Variants in NTN1 observed in about 807,000 individuals in gnomAD.
NTN1 encodes netrin 1.
Under a neutral mutation model 54.2 loss-of-function variants are expected in NTN1, and 11 were observed. That is an observed-to-expected ratio of 0.20 (90% confidence interval 0.13 to 0.34). NTN1 has a LOEUF of 0.34. Ranked by LOEUF, NTN1 falls within the 10% of genes least tolerant of loss-of-function variation. The pLI is 1.00. For missense variants in NTN1, 740 were observed against 893.1 expected (o/e 0.83, Z 2.18); for synonymous variants, 371 against 382.0 (o/e 0.97, Z 0.33).
chr17:9,004,369 C>T, the NTN1 span, among the ~76,000 whole-genome samples: 145 of 152,380 alleles, frequency 9.5e-4, 1 homozygote, highest in South Asian at 0.028. Flanking sequence ...CCGTCGCCCT[C>T]GCGGCCTGGA....
intron 5 of NTN1, among the ~76,000 whole-genome samples, chr17:9,202,999 G>T (rs1169905126): frequency 6.6e-6 from 1 of 152,142 alleles, no homozygotes; most frequent in Non-Finnish European, 1.5e-5. Context: ...TCCGCTCACT[G>T]CAAGCTCCGC....
chr17:9,088,236 A>G (rs781183076), intron 2 of NTN1, among the ~76,000 whole-genome samples: 5 of 152,204 alleles, frequency 3.3e-5, no homozygotes, highest in Non-Finnish European at 5.9e-5. Context: ...GTGGGTGTCC[A>G]TCTGCAAGTT....
At chr17:9,199,888 G>T (rs576830440) in intron 5 of NTN1, among the ~76,000 whole-genome samples, 1 of 152,350 alleles carries the variant, frequency 6.6e-6, no homozygotes, top group African/African-American at 2.4e-5. Flanking sequence ...GGAAGTGGTG[G>T]TGAGCTTTGA....
At chr17:9,218,926 A>T (rs1176815567) in intron 5 of NTN1, among the ~76,000 whole-genome samples, 4 of 152,104 alleles carry the variant, frequency 2.6e-5, no homozygotes, top group Non-Finnish European at 5.9e-5. Context: ...AAAAAAAAAA[A>T]AAAAATTGCG....
In NTN1 at chr17:9,239,577, C is replaced by T; in HGVS notation, c.1487-63C>T. On this transcript the variant is annotated intron_variant, in intron 6 of 6. Coordinates refer to ENST00000173229, the MANE Select transcript of NTN1 (RefSeq NM_004822.3). This position sits in a 1 kb window ranked among gnomAD's most constrained non-coding sequence, Gnocchi z 5.2. ...GTCTCCTTTCCCTTCTCCCCAGGCT[C>T]AGGCAGGGCGGACCTAGCCACAGCA... 1.3e-6 allele frequency: 2 copies of T among 1,523,500 alleles called. No individual in the cohort carries two copies. The highest frequency in any genetic ancestry group is 1.7e-5 in the Admixed American group (1 of 57,962). 94.4% of individuals were successfully genotyped at this position (1,523,500 alleles called of 1,614,324 possible). A position where few individuals can be genotyped will look rare whatever the true frequency, so the allele number is the denominator to read the frequency against.
chr17:9,225,614 C>G (rs1905508876), intron 6 of NTN1, among the ~76,000 whole-genome samples: 1 of 152,180 alleles, frequency 6.6e-6, no homozygotes, highest in African/African-American at 2.4e-5. Context: ...GGGTGTCCCT[C>G]CCACACAGAC....
At chr17:9,178,266 A>G (rs997378127) in intron 3 of NTN1, among the ~76,000 whole-genome samples, 1 of 152,256 alleles carries the variant, frequency 6.6e-6, no homozygotes, top group African/African-American at 2.4e-5. Context: ...GAGCAGTTCC[A>G]TCAGCCTACA....
rs148796218 is a variant in NTN1, at chr17:9,230,540, C to T, written c.1487-9100C>T. ...GAGGTCGTGGAATGCGGGTGACCACCAGGTTGGCCAGGGAAGGCCAGTCGG... is the reference window on the plus strand; with the variant it reads ...GAGGTCGTGGAATGCGGGTGACCACTAGGTTGGCCAGGGAAGGCCAGTCGG... On this transcript the variant is annotated intron_variant, in intron 6 of 6. Coordinates refer to ENST00000173229, the MANE Select transcript of NTN1 (RefSeq NM_004822.3). 5.9e-3 allele frequency among the ~76,000 whole-genome samples: 897 copies of T among 152,182 alleles called. 9 individuals carry two copies. The highest frequency in any genetic ancestry group is 0.011 in the South Asian group (52 of 4,818).
intron 2 of NTN1, among the ~76,000 whole-genome samples, chr17:9,105,739 G>C (rs1031015746): frequency 6.6e-6 from 1 of 151,864 alleles, no homozygotes; most frequent in Non-Finnish European, 1.5e-5. Flanking sequence ...GCAGTTGGTA[G>C]AGTACAGCCA....
At chr17:9,011,672 C>T in the NTN1 span, among the ~76,000 whole-genome samples, 1 of 152,154 alleles carries the variant, frequency 6.6e-6, no homozygotes, top group African/African-American at 2.4e-5. Flanking sequence ...TCACTGCAAC[C>T]TCTGCCTCCC....
At chr17:9,226,074 C>T (rs896022190) in intron 6 of NTN1, among the ~76,000 whole-genome samples, 63 of 148,912 alleles carry the variant, frequency 4.2e-4, no homozygotes, top group African/African-American at 1.4e-3. Flanking sequence ...GGCCCTGTCC[C>T]GTGTTCTCTC....
chr17:9,150,591 C>T (rs1357252620), intron 2 of NTN1, among the ~76,000 whole-genome samples: 3 of 152,164 alleles, frequency 2.0e-5, no homozygotes, highest in Admixed American at 1.3e-4. Context: ...AAAGCCTGCT[C>T]GGCATTTCCT....
intron 4 of NTN1, among the ~76,000 whole-genome samples, chr17:9,180,983 G>A (rs564149287): frequency 1.3e-5 from 2 of 152,238 alleles, no homozygotes; most frequent in South Asian, 4.1e-4. Flanking sequence ...AAACATGGGG[G>A]GAAAGCTGAG....
rs188258084 is a variant in NTN1 at position 9,199,150 on chromosome 17, T to C, written c.1411+16181T>C. On this transcript the variant is annotated intron_variant, in intron 5 of 6. Transcript: ENST00000173229. ...TTTCTTTTTCTTTCTTTCTTTTTGT[T>C]TGTTTGTTTGAGACAGTGTTTCGCT... 4.7e-3 allele frequency among the ~76,000 whole-genome samples: 717 copies of C among 152,350 alleles called. 5 individuals carry two copies. Among genetic ancestry groups the C allele is most frequent in the African/African-American group, 0.017 (687 of 41,584 alleles).
chr17:9,020,600 T>C (rs2091842804), upstream of NTN1, among the ~76,000 whole-genome samples: 1 of 152,222 alleles, frequency 6.6e-6, no homozygotes, highest in Admixed American at 6.5e-5. Context: ...AGTTTCCTCA[T>C]CTGCAAAATG....
chr17:9,072,476 A>G lies in NTN1; in HGVS notation c.1018+49085A>G, dbSNP rs538158146. Among the ~76,000 whole-genome samples, 40 of 152,084 alleles carry G rather than the reference A, an allele frequency of 2.6e-4. No homozygotes were observed. In the South Asian group the frequency reaches 7.7e-3, roughly 29 times the overall value. ...TCATCAAACCTCATTTTGTTGCCCAAAAAGCTTTGAGAGGTGGGCGGGGAT... is the reference window on the plus strand; with the variant it reads ...TCATCAAACCTCATTTTGTTGCCCAGAAAGCTTTGAGAGGTGGGCGGGGAT... On this transcript the variant is annotated intron_variant, in intron 2 of 6. Coordinates refer to ENST00000173229, the MANE Select transcript of NTN1 (RefSeq NM_004822.3).
intron 2 of NTN1, among the ~76,000 whole-genome samples, chr17:9,073,254 G>T (rs886900641): frequency 7.9e-5 from 12 of 152,212 alleles, no homozygotes; most frequent in Non-Finnish European, 5.9e-5. Flanking sequence ...GAGACTTGGG[G>T]GTGGAAGGTG....
chr17:9,194,394 G>C (rs8072382), intron 5 of NTN1, among the ~76,000 whole-genome samples: 133,008 of 152,278 alleles, frequency 0.87, 58,256 homozygotes, highest in East Asian at 1. Flanking sequence ...TTCACCTACC[G>C]TTAAAGAAGA....
At chr17:9,152,448 C>T (rs1487062448) in intron 2 of NTN1, among the ~76,000 whole-genome samples, 1 of 152,158 alleles carries the variant, frequency 6.6e-6, no homozygotes, top group Non-Finnish European at 1.5e-5. Flanking sequence ...GATGGTTCCC[C>T]TGGGAAGGCT....
Sources: gnomAD v4.1 joint callset for allele counts (sites outside exome capture counted in the v4.1 genomes callset) on GRCh38, gnomAD v4.1.1 for gene constraint, Gnocchi (gnomAD v3.1) non-coding constraint, MANE v1.5 for transcripts, NCBI Gene and HGNC (gene_info 2026-07-23, HGNC 2026-07-21) for gene names.